AMPH: variants seen among roughly 807,000 people sequenced by gnomAD.
AMPH encodes amphiphysin.
AMPH carries 49 observed loss-of-function variants against 99.1 expected under a neutral mutation model. The observed-to-expected ratio is 0.49, with a 90% CI of 0.39 to 0.63. The LOEUF is 0.63. Ranked by LOEUF, AMPH falls within the 20% of genes least tolerant of loss-of-function variation. The pLI, the probability that AMPH is intolerant of heterozygous loss-of-function variation, is 0.00. For synonymous variants in AMPH, 314 were observed against 317.3 expected (o/e 0.99, Z 0.11); for missense variants, 759 against 863.4 (o/e 0.88, Z 1.52).
chr7:38,384,546 GA>G lies in AMPH; in HGVS notation c.*271del. 3.0e-6 allele frequency: 1 copy of G among 333,130 alleles called. No individual in the cohort carries two copies. Among genetic ancestry groups the G allele is most frequent in the Non-Finnish European group, 5.7e-6 (1 of 174,988 alleles). The allele number at this position is 333,130 out of a possible 1,614,324, so 20.6% of individuals were successfully genotyped here. On this transcript the variant is annotated 3_prime_UTR_variant, in exon 21 of 21. Coordinates refer to ENST00000356264, the MANE Select transcript of AMPH (RefSeq NM_001635.4). ...GAGAAAGCTACTTTAGAATTGGTGG[GA>G]GGGGATCAAGTACAAGAGTCTCCAC... is the stretch of plus-strand genomic sequence containing the variant.
At chr7:38,556,199 A>G (rs1181369697) in intron 1 of AMPH, among the ~76,000 whole-genome samples, 1 of 152,176 alleles carries the variant, frequency 6.6e-6, no homozygotes, top group Non-Finnish European at 1.5e-5. Flanking sequence ...CTATTCAACA[A>G]AACAGCCTTG....
chr7:38,479,589 G>T (rs1788215797), intron 5 of AMPH, among the ~76,000 whole-genome samples: 1 of 152,000 alleles, frequency 6.6e-6, no homozygotes, highest in African/African-American at 2.4e-5. Context: ...ACATGTAAAA[G>T]AAAAATGTAT....
intron 1 of AMPH, 36 bp from the exon 2 acceptor site, chr7:38,535,047 T>G: frequency 6.4e-7 from 1 of 1,570,294 alleles, no homozygotes; most frequent in Non-Finnish European, 8.8e-7. Flanking sequence ...TTTAATTTAA[T>G]AATGTTTTCA....
chr7:38,594,001 C>T (rs1792957657), intron 1 of AMPH, among the ~76,000 whole-genome samples: 1 of 152,110 alleles, frequency 6.6e-6, no homozygotes, highest in African/African-American at 2.4e-5. Flanking sequence ...GGAGAGCCAA[C>T]CGGGGCTTTG....
In AMPH at chr7:38,624,376, T is replaced by C. The variant is rs191439943; in HGVS notation, c.69+6907A>G. ...TTTAAATAGTCTAACTCCCTTATTATTATTATTAGTATTAGTATTAGTATT... is the reference window on the plus strand; with the variant it reads ...TTTAAATAGTCTAACTCCCTTATTACTATTATTAGTATTAGTATTAGTATT... On this transcript the variant is annotated intron_variant, in intron 1 of 20. Transcript: ENST00000356264. Among the ~76,000 whole-genome samples the C allele has an allele frequency of 2.6e-5, 4 of 151,898 alleles. No homozygotes were observed. The East Asian group carries it at 5.8e-4, about 22-fold the overall frequency.
intron 1 of AMPH, among the ~76,000 whole-genome samples, chr7:38,541,625 C>T (rs1790812040): frequency 6.6e-6 from 1 of 152,184 alleles, no homozygotes. Context: ...ATGAGCCTTC[C>T]TGCCAATTCT....
chr7:38,512,686 C>T (rs1789583944), intron 2 of AMPH, among the ~76,000 whole-genome samples: 1 of 152,168 alleles, frequency 6.6e-6, no homozygotes, highest in South Asian at 2.1e-4. Flanking sequence ...GGACAGGCTT[C>T]ATAGGAAATG....
At chr7:38,537,713 C>T (rs1584220381) in intron 1 of AMPH, among the ~76,000 whole-genome samples, 1 of 152,276 alleles carries the variant, frequency 6.6e-6, no homozygotes, top group East Asian at 1.9e-4. Context: ...GATGTTGCTG[C>T]CAAAGCATCT....
At chr7:38,426,176 G>C (rs947490295) in intron 15 of AMPH, among the ~76,000 whole-genome samples, 1 of 152,140 alleles carries the variant, frequency 6.6e-6, no homozygotes, top group African/African-American at 2.4e-5. Flanking sequence ...ATTAGAAACT[G>C]TGCATGTCTG....
At chr7:38,441,742 A>ATATATATCATATATCTATCATATATAT (rs1491120216) in intron 11 of AMPH, among the ~76,000 whole-genome samples, 71 of 128,834 alleles carry the variant, frequency 5.5e-4, no homozygotes, top group Admixed American at 1.3e-3. Context: ...TATATATGAC[A>ATATATATCATATATCTATCATATATAT]GATATATCAT....
chr7:38,425,322 A>T (rs1038318611), intron 15 of AMPH, among the ~76,000 whole-genome samples: 4 of 152,206 alleles, frequency 2.6e-5, no homozygotes, highest in Non-Finnish European at 5.9e-5. Flanking sequence ...GAGGACAGAT[A>T]GGCAATTTCT....
chr7:38,447,751 A>AAC lies in AMPH; in HGVS notation c.1018-11365_1018-11364dup, dbSNP rs34380529. Among the ~76,000 whole-genome samples, 194 of 139,742 alleles carry AAC rather than the reference A, an allele frequency of 1.4e-3. 1 individual carries two copies. Among genetic ancestry groups the AAC allele is most frequent in the South Asian group, 7.7e-3 (35 of 4,524 alleles). 91.7% of individuals were successfully genotyped at this position (139,742 alleles called of 152,430 possible). On this transcript the variant is annotated intron_variant, in intron 11 of 20. Transcript: ENST00000356264. ...ATGGCTGCATGCAAACAGACAGATA[A>AAC]ACACACACACACACACACACACACA... is the stretch of plus-strand genomic sequence containing the variant.
At chr7:38,463,275 A>G in intron 9 of AMPH, 162 bp from the exon 10 acceptor site, 2 of 891,762 alleles carry the variant, frequency 2.2e-6, no homozygotes, top group South Asian at 1.4e-5. Context: ...AGTGATGGTG[A>G]TAACTGGTAC....
intron 1 of AMPH, among the ~76,000 whole-genome samples, chr7:38,547,869 T>C (rs1791044124): frequency 1.3e-5 from 2 of 152,166 alleles, no homozygotes; most frequent in South Asian, 4.1e-4. Flanking sequence ...CCACTGAATA[T>C]ACAACTTACA....
intron 1 of AMPH, among the ~76,000 whole-genome samples, chr7:38,593,417 G>A (rs1197900783): frequency 3.9e-5 from 6 of 152,178 alleles, no homozygotes; most frequent in Non-Finnish European, 5.9e-5. Flanking sequence ...GAGCAAGCCC[G>A]GCTGAATTAA....
chr7:38,562,197 GAAAAAAA>G (rs991320318), intron 1 of AMPH, among the ~76,000 whole-genome samples: 1 of 148,916 alleles, frequency 6.7e-6, no homozygotes, highest in Non-Finnish European at 1.5e-5. Flanking sequence ...GACAGAGAAA[GAAAAAAA>G]AATGGTTTGT....
chr7:38,472,811 TG>T (rs1787934463), intron 7 of AMPH, among the ~76,000 whole-genome samples: 1 of 152,208 alleles, frequency 6.6e-6, no homozygotes, highest in Non-Finnish European at 1.5e-5. Context: ...ATACTGCGTA[TG>T]ACCAGAAAAG....
chr7:38,409,334 G>A (rs6951464), intron 17 of AMPH, among the ~76,000 whole-genome samples: 146,976 of 152,310 alleles, frequency 0.96, 70,981 homozygotes, highest in East Asian at 1. Context: ...TCCATTTTAA[G>A]GAAAAGCCCA....
At chr7:38,528,904 C>T (rs1210610241) in intron 2 of AMPH, among the ~76,000 whole-genome samples, 1 of 152,058 alleles carries the variant, frequency 6.6e-6, no homozygotes, top group African/African-American at 2.4e-5. Context: ...CTGGACAAGA[C>T]ACTTTCATTT....
Sources: allele counts gnomAD v4.1 joint callset (sites outside exome capture counted in the v4.1 genomes callset), GRCh38; gene constraint gnomAD v4.1.1; transcripts MANE v1.5; gene names NCBI Gene and HGNC (gene_info 2026-07-23, HGNC 2026-07-21).